The following CCNJL variants were observed in gnomAD, a reference collection of about 807,000 sequenced individuals.
CCNJL encodes cyclin-J-like protein.
CCNJL carries 33 observed loss-of-function variants against 33.4 expected under a neutral mutation model. The ratio of observed to expected loss-of-function variants is 0.99; its 90% CI spans 0.75 to 1.32. The LOEUF (loss-of-function observed/expected upper bound fraction) is 1.32, where lower values mean the gene tolerates loss of function less well. CCNJL is among the 40% of genes most tolerant of loss of function. The pLI is 0.00. For synonymous variants in CCNJL, 227 were observed against 220.9 expected (o/e 1.03, Z -0.24); for missense variants, 512 against 499.7 (o/e 1.02, Z -0.23).
rs185128656 is a variant in CCNJL at position 160,308,268 on chromosome 5, A to C, written c.66+3590T>G. 3.3e-5 allele frequency among the ~76,000 whole-genome samples: 5 copies of C among 152,334 alleles called. No homozygotes were observed. In the East Asian group the frequency reaches 7.7e-4, roughly 23 times the overall value. On this transcript the variant is annotated intron_variant, in intron 2 of 5. Transcript: ENST00000257536. ...TTCTTAAGTTATCTCACTTAATCTT[A>C]ACATTGCTGTAAAACGTTTCTCCCA...
At chr5:160,317,372 A>G (rs565187528), upstream of CCNJL, among the ~76,000 whole-genome samples, 4 of 152,352 alleles carry the variant, frequency 2.6e-5, no homozygotes, top group African/African-American at 9.6e-5. Context: ...GTGAAAAATA[A>G]ACCTCCCTCT....
chr5:160,320,855 TTC>T (rs1561812570), intron 1 of CCNJL, among the ~76,000 whole-genome samples: 1 of 132,714 alleles, frequency 7.5e-6, no homozygotes, highest in African/African-American at 2.8e-5. Context: ...CTTTCCTTCT[TTC>T]TTTCTTTCTT....
intron 2 of CCNJL, among the ~76,000 whole-genome samples, chr5:160,299,814 G>A (rs1232163229): frequency 2.0e-5 from 3 of 150,968 alleles, no homozygotes; most frequent in East Asian, 1.9e-4. Flanking sequence ...CCAAAGAGTC[G>A]GAAGTGCTCT....
Position 160,311,862 on chromosome 5 carries a change from T to C in CCNJL, c.62A>G (p.Glu21Gly). 6.2e-7 allele frequency: 1 copy of C among 1,613,950 alleles called. No individual in the cohort carries two copies. ...CAAGGGCAGGGAGGGACTGACCTTC[T>C]CGCGCAGGGTGCAGTGGACGTCCGA... is the stretch of plus-strand genomic sequence containing the variant. The part of the protein sequence containing the change: ...VASDVHCTLR[E>G]KELKLPTFRA... Residue 21 changes from glutamate to glycine, a missense_variant, in exon 2 of 6, where the codon GAG becomes GGG. Coordinates refer to ENST00000257536, the MANE Select transcript of CCNJL (RefSeq NM_001308173.3).
chr5:160,329,276 T>C (rs1413773288), intron 1 of CCNJL, among the ~76,000 whole-genome samples: 5 of 152,100 alleles, frequency 3.3e-5, no homozygotes, highest in Non-Finnish European at 5.9e-5. Context: ...GGAGAGTTTC[T>C]TGAAAAACAA....
intron 2 of CCNJL, among the ~76,000 whole-genome samples, chr5:160,282,595 T>C (rs1762252549): frequency 6.6e-6 from 1 of 152,048 alleles, no homozygotes; most frequent in Non-Finnish European, 1.5e-5. Context: ...AAAGAACTCT[T>C]ACAGCTCAAC....
intron 1 of CCNJL, among the ~76,000 whole-genome samples, chr5:160,321,582 T>C (rs1763465946): frequency 6.6e-6 from 1 of 152,206 alleles, no homozygotes; most frequent in South Asian, 2.1e-4. Context: ...GGGAAATCTA[T>C]GAAAAATTTC....
chr5:160,298,857 T>C (rs981814113), intron 2 of CCNJL, among the ~76,000 whole-genome samples: 2 of 152,130 alleles, frequency 1.3e-5, no homozygotes, highest in Non-Finnish European at 2.9e-5. Flanking sequence ...TATAGGACAT[T>C]TATCAGGACA....
At chr5:160,288,274 C>T (rs1472309564) in intron 2 of CCNJL, among the ~76,000 whole-genome samples, 1 of 152,068 alleles carries the variant, frequency 6.6e-6, no homozygotes. Flanking sequence ...TTCAAAAATG[C>T]TCAATGCATA....
intron 1 of CCNJL, among the ~76,000 whole-genome samples, chr5:160,322,743 T>G (rs929336685): frequency 2.7e-5 from 4 of 147,936 alleles, no homozygotes; most frequent in African/African-American, 1.0e-4. Flanking sequence ...CCATCTCTAC[T>G]AAAGCTACAA....
chr5:160,321,066 CTTT>C (rs1561812878), intron 1 of CCNJL, among the ~76,000 whole-genome samples: 1,578 of 121,230 alleles, frequency 0.013, 32 homozygotes, highest in Middle Eastern at 0.018. Context: ...TTCTTTCTTT[CTTT>C]CTTTCTTTCT....
At chr5:160,317,889 G>A (rs553522291), upstream of CCNJL, among the ~76,000 whole-genome samples, 2 of 152,256 alleles carry the variant, frequency 1.3e-5, no homozygotes, top group South Asian at 2.1e-4. Flanking sequence ...GTTTTTGGGG[G>A]TGGCCAGGTA....
intron 1 of CCNJL, among the ~76,000 whole-genome samples, chr5:160,334,488 C>T (rs1763658435): frequency 6.6e-6 from 1 of 152,196 alleles, no homozygotes; most frequent in Non-Finnish European, 1.5e-5. Flanking sequence ...AGGTGCCTGA[C>T]ATACAGTAAG....
rs966616112 is a variant in CCNJL, at chr5:160,250,175, CA to C, written c.*3202del. 5.9e-5 allele frequency: 9 copies of C among 152,210 alleles called. No homozygotes were observed. The highest frequency in any genetic ancestry group is 5.9e-4 in the Admixed American group (9 of 15,278). 9.4% of individuals were successfully genotyped at this position (152,210 alleles called of 1,614,324 possible). A position where few individuals can be genotyped will look rare whatever the true frequency, so the allele number is the denominator to read the frequency against. Reference sequence around the variant, plus strand: ...CACAGAGGTCACAGCCTCTGTGGCACAGTCTCCCCCCGCCCCAAGAGCTTAG... The same window carrying C: ...CACAGAGGTCACAGCCTCTGTGGCACGTCTCCCCCCGCCCCAAGAGCTTAG... On this transcript the variant is annotated 3_prime_UTR_variant, in exon 6 of 6. Coordinates refer to ENST00000257536, the MANE Select transcript of CCNJL (RefSeq NM_001308173.3).
At chr5:160,277,044 C>A (rs1762037678) in intron 3 of CCNJL, among the ~76,000 whole-genome samples, 1 of 152,160 alleles carries the variant, frequency 6.6e-6, no homozygotes, top group Non-Finnish European at 1.5e-5. Context: ...CTGCCTGCCT[C>A]AGCCTCCCAA....
At chr5:160,329,256 C>T (rs1763576506) in intron 1 of CCNJL, among the ~76,000 whole-genome samples, 1 of 152,086 alleles carries the variant, frequency 6.6e-6, no homozygotes, top group Admixed American at 6.5e-5. Flanking sequence ...TCAAACTAAA[C>T]TTAGAAACAG....
chr5:160,300,535 T>C (rs1762889600), intron 2 of CCNJL, among the ~76,000 whole-genome samples: 1 of 152,184 alleles, frequency 6.6e-6, no homozygotes, highest in Admixed American at 6.5e-5. Context: ...TGAGATTTTT[T>C]TGTGATTCTT....
At chr5:160,264,502 C>T (rs1231485583) in intron 3 of CCNJL, among the ~76,000 whole-genome samples, 3 of 151,554 alleles carry the variant, frequency 2.0e-5, no homozygotes, top group African/African-American at 7.3e-5. Context: ...ACAGATGAGG[C>T]CGTGGTGGCA....
In CCNJL at chr5:160,311,840, G is replaced by A. The variant is rs1210129957; in HGVS notation, c.66+18C>T. The stretch of plus-strand genomic sequence containing the variant: ...CTGTACCCAGTCTTGAGAGTGACAA[G>A]GGCAGGGAGGGACTGACCTTCTCGC... On this transcript the variant is annotated intron_variant, in intron 2 of 5. Transcript: ENST00000257536. 1.2e-6 allele frequency: 2 copies of A among 1,611,104 alleles called. No individual in the cohort carries two copies. Among genetic ancestry groups the A allele is most frequent in the East Asian group, 2.2e-5 (1 of 44,866 alleles).
Sources: allele counts gnomAD v4.1 joint callset (sites outside exome capture counted in the v4.1 genomes callset), GRCh38; gene constraint gnomAD v4.1.1; transcripts MANE v1.5; gene names NCBI Gene and HGNC (gene_info 2026-07-23, HGNC 2026-07-21).